Variants in LDAF1 observed in about 807,000 individuals in gnomAD.
LDAF1 encodes PROMETHIN.
A neutral mutation model predicts 13.5 loss-of-function variants in LDAF1; 7 were observed. The ratio of observed to expected loss-of-function variants is 0.52; its 90% confidence interval spans 0.29 to 0.97. The LOEUF is 0.97. Ranked by LOEUF, LDAF1 falls within the 50% of genes least tolerant of loss-of-function variation. The pLI is 0.07. For missense variants in LDAF1, 148 were observed against 193.2 expected (o/e 0.77, Z 1.39); for synonymous variants, 69 against 77.1 (o/e 0.89, Z 0.55).
In LDAF1 at chr16:21,179,885, A is replaced by T. The variant is rs772807641; in HGVS notation, c.*329A>T. ...CTCAGGGCTTATGTCCAACGGTCCC[A>T]TTGGGAGCAACAGTGATTGTTTATA... On this transcript the variant is annotated 3_prime_UTR_variant, in exon 5 of 5. Coordinates refer to ENST00000233047, the MANE Select transcript of LDAF1 (RefSeq NM_001301771.2). 8.1e-5 allele frequency: 17 copies of T among 209,064 alleles called. No individual in the cohort carries two copies. Among genetic ancestry groups the T allele is most frequent in the Non-Finnish European group, 1.5e-4 (16 of 104,174 alleles). The allele number at this position is 209,064 out of a possible 1,614,324, so 13.0% of individuals were successfully genotyped here.
At chr16:21,166,888 A>C in intron 2 of LDAF1, 1 of 1,535,720 alleles carries the variant, frequency 6.5e-7, no homozygotes, top group Non-Finnish European at 8.7e-7. Flanking sequence ...TGGAGTGTCC[A>C]GGCTGGGCAG....
At chr16:21,177,577 G>A (rs2093149994) in intron 4 of LDAF1, among the ~76,000 whole-genome samples, 1 of 150,342 alleles carries the variant, frequency 6.7e-6, no homozygotes, top group Non-Finnish European at 1.5e-5. Flanking sequence ...TCATGTTATT[G>A]TGAACATGGT....
chr16:21,168,149 G>A (rs2093044435), intron 2 of LDAF1, among the ~76,000 whole-genome samples: 1 of 152,060 alleles, frequency 6.6e-6, no homozygotes, highest in Admixed American at 6.5e-5. Flanking sequence ...CTAGTAGCTG[G>A]GACTACCAGC....
chr16:21,169,643 C>T (rs189209533), intron 2 of LDAF1, among the ~76,000 whole-genome samples: 1 of 152,266 alleles, frequency 6.6e-6, no homozygotes, highest in East Asian at 1.9e-4. Flanking sequence ...CTAGATGATC[C>T]AAGTAGCTAA....
intron 2 of LDAF1, among the ~76,000 whole-genome samples, chr16:21,166,067 G>A (rs557935494): frequency 4.3e-4 from 65 of 152,110 alleles, no homozygotes; most frequent in Non-Finnish European, 8.2e-4. Context: ...TCACCATGTT[G>A]ACCAGGCTGG....
chr16:21,165,412 A>G (rs945055511), intron 2 of LDAF1: 26 of 197,858 alleles, frequency 1.3e-4, no homozygotes, highest in Non-Finnish European at 2.3e-4. Context: ...TTCCATCTCA[A>G]AAAAACAAAA....
In LDAF1 at chr16:21,167,696, G is replaced by GTTTTTTTTTTTTTTTTTTTTTTTTTT. The variant is rs778992036; in HGVS notation, c.97-2728_97-2727insTTTTTTTTTTTTTTTTTTTTTTTTTT. Among the ~76,000 whole-genome samples the GTTTTTTTTTTTTTTTTTTTTTTTTTT allele has an allele frequency of 2.2e-5, 2 of 89,092 alleles. 1 individual carries two copies. Among genetic ancestry groups the GTTTTTTTTTTTTTTTTTTTTTTTTTT allele is most frequent in the African/African-American group, 8.9e-5 (2 of 22,584 alleles). The allele number at this position is 89,092 out of a possible 152,430, so 58.4% of individuals were successfully genotyped here. A position where few individuals can be genotyped will look rare whatever the true frequency, so the allele number is the denominator to read the frequency against. On this transcript the variant is annotated intron_variant, in intron 2 of 4. Transcript: ENST00000233047. ...ATTCTGAGTCCAAGACCTTAGGTTT[G>GTTTTTTTTTTTTTTTTTTTTTTTTTT]TTTTTTTTTTTTTGAAAAGGAGACT...
At chr16:21,160,990 C>A in intron 1 of LDAF1, 95 bp from the exon 2 acceptor site, 1 of 1,349,694 alleles carries the variant, frequency 7.4e-7, no homozygotes, top group South Asian at 2.1e-5. Context: ...TACCCTCCGT[C>A]TGCATGCCCA....
intron 4 of LDAF1, among the ~76,000 whole-genome samples, 172 bp downstream of exon 4, chr16:21,174,320 G>A (rs1351486542): frequency 7.2e-5 from 11 of 152,040 alleles, no homozygotes; most frequent in Non-Finnish European, 1.6e-4. Context: ...CTCCCAAGTA[G>A]CTGGGGCTAC....
rs777863759 is a variant in LDAF1, at chr16:21,170,550, G to C, written c.210G>C (p.Leu70=). The C allele has an allele frequency of 6.2e-7, 1 of 1,614,160 alleles. No homozygotes were observed. The highest frequency in any genetic ancestry group is 1.1e-5 in the South Asian group (1 of 91,088). The change falls in exon 3 of 5, where the codon CTG becomes CTC. Residue 70 remains leucine, a synonymous_variant. Transcript: ENST00000233047. ...VMSAVPVGFF[L]LIVVLTTLAA... is the part of the protein sequence containing the mutation. ...CGGCCGTTCCTGTTGGATTCTTCCT[G>C]CTCATCGTGGTGCTTACCACCCTGG...
Position 21,170,451 on chromosome 16 carries a change from G to A in LDAF1, c.111G>A (p.Met37Ile). ...FQNNSKVVAFMKSPVGQYLDS... is the reference protein window; with the variant it reads ...FQNNSKVVAFIKSPVGQYLDS... The stretch of plus-strand genomic sequence containing the variant: ...TTTGCCTACAGGTGGTGGCCTTTAT[G>A]AAGTCTCCAGTGGGTCAGTACTTGG... Residue 37 changes from methionine to isoleucine, a missense_variant, in exon 3 of 5, where the codon ATG (methionine) becomes ATA (isoleucine). Physicochemically the swap from Met to Ile is conservative, Grantham distance 10 (BLOSUM62 1). Transcript: ENST00000233047. 1.2e-6 allele frequency: 2 copies of A among 1,614,128 alleles called. No individual in the cohort carries two copies. The highest frequency in any genetic ancestry group is 1.7e-6 in the Non-Finnish European group (2 of 1,180,040).
chr16:21,173,276 G>A (rs2093106780), intron 3 of LDAF1: 1 of 152,186 alleles, frequency 6.6e-6, no homozygotes, highest in African/African-American at 2.4e-5. Context: ...AGTAAATAAT[G>A]GCATTTATTA....
intron 2 of LDAF1, among the ~76,000 whole-genome samples, chr16:21,161,572 C>A (rs2092975334): frequency 6.6e-6 from 1 of 152,196 alleles, no homozygotes; most frequent in Admixed American, 6.5e-5. Context: ...CACAATACTT[C>A]CAATTACATC....
chr16:21,169,191 C>T (rs2093062146), intron 2 of LDAF1: 1 of 984,326 alleles, frequency 1.0e-6, no homozygotes, highest in Admixed American at 6.2e-5. Flanking sequence ...CTGTGCGACT[C>T]TAGACAAGTG....
In LDAF1 at chr16:21,174,079, C is replaced by G; in HGVS notation, c.335C>G (p.Ala112Gly). ...TGTGGTTTGGGCTTCGTATCACTCG[C>G]CATGTCGGGGATGATGATAGCATCT... The part of the protein sequence containing the change: ...ILCGLGFVSL[A>G]MSGMMIASYV... The change falls in exon 4 of 5, where the codon GCC becomes GGC. Residue 112 changes from alanine (A) to glycine (G), a missense_variant. Coordinates refer to ENST00000233047, the MANE Select transcript of LDAF1 (RefSeq NM_001301771.2). The G allele has an allele frequency of 6.2e-7, 1 of 1,614,080 alleles. No individual in the cohort carries two copies. Among genetic ancestry groups the G allele is most frequent in the Non-Finnish European group, 8.5e-7 (1 of 1,179,976 alleles).
intron 1 of LDAF1, 110 bp from the exon 2 acceptor site, chr16:21,160,975 C>A: frequency 7.7e-7 from 1 of 1,297,050 alleles, no homozygotes; most frequent in Non-Finnish European, 9.9e-7. Context: ...TGAATATTGC[C>A]AGGTTACCCT....
At chr16:21,158,772 G>GA in intron 1 of LDAF1, 26 bp downstream of exon 1, 1 of 154,820 alleles carries the variant, frequency 6.5e-6, no homozygotes, top group Non-Finnish European at 1.4e-5. Context: ...TTGGGGGTGG[G>GA]GGTCCGGGTG....
intron 3 of LDAF1, among the ~76,000 whole-genome samples, 159 bp from the exon 4 acceptor site, chr16:21,173,851 C>T (rs556356046): frequency 6.6e-6 from 1 of 152,278 alleles, no homozygotes; most frequent in East Asian, 1.9e-4. Flanking sequence ...ATATCGCCTC[C>T]TTTTTTTAAG....
Position 21,179,667 on chromosome 16 carries a change from TC to T in LDAF1, c.*113del, listed in dbSNP as rs779764183. On this transcript the variant is annotated 3_prime_UTR_variant, in exon 5 of 5. Transcript: ENST00000233047. ...GGTAGGCAAGCACTCCTTGGCTGTG[TC>T]CTCTCGCTTTTTCACTTACTTGTAG... 28 of 889,334 alleles carry T rather than the reference TC, an allele frequency of 3.1e-5. No homozygotes were observed. Among genetic ancestry groups the T allele is most frequent in the Non-Finnish European group, 4.6e-5 (27 of 583,940 alleles). 55.1% of individuals were successfully genotyped at this position (889,334 alleles called of 1,614,324 possible). A position where few individuals can be genotyped will look rare whatever the true frequency, so the allele number is the denominator to read the frequency against.
Sources: gnomAD v4.1 joint callset for allele counts (sites outside exome capture counted in the v4.1 genomes callset) on GRCh38, gnomAD v4.1.1 for gene constraint, MANE v1.5 for transcripts, NCBI Gene and HGNC (gene_info 2026-07-23, HGNC 2026-07-21) for gene names.